The following CENPI variants were observed in gnomAD, a reference collection of about 807,000 sequenced individuals.
CENPI encodes the protein FSH primary response 1.
A neutral mutation model predicts 60.4 loss-of-function variants in CENPI; 4 were observed. The ratio of observed to expected loss-of-function variants is 0.07; its 90% CI spans 0.03 to 0.15. The LOEUF is 0.15. CENPI is among the 10% of genes least tolerant of loss of function. The probability of loss-of-function intolerance (pLI) is 1.00; values close to 1 mark genes in which losing one functional copy is unlikely to be tolerated. For synonymous variants in CENPI, 157 were observed against 189.4 expected, an observed-to-expected ratio of 0.83 and a Z score of 1.40; for missense variants, 444 against 534.5, an observed-to-expected ratio of 0.83 and a Z score of 1.67.
chrX:101,141,793 C>T (rs1039855777), intron 16 of CENPI, among the ~76,000 whole-genome samples: 8 of 111,033 alleles, frequency 7.2e-5, no homozygotes, highest in Admixed American at 3.9e-4. Flanking sequence ...AGTACAGTGA[C>T]GCAGTCTTTG....
chrX:101,155,961 T>C (rs1244497421), intron 20 of CENPI, among the ~76,000 whole-genome samples: 1 of 112,081 alleles, frequency 8.9e-6, no homozygotes, highest in Non-Finnish European at 1.9e-5. Flanking sequence ...TAATAATTAT[T>C]ATGATGATGC....
At chrX:101,148,722 A>G (rs1031247778) in intron 20 of CENPI, among the ~76,000 whole-genome samples, 6 of 111,743 alleles carry the variant, frequency 5.4e-5, no homozygotes, top group Non-Finnish European at 7.5e-5. Flanking sequence ...ATGGAGAAGA[A>G]CTCAAATGGT....
chrX:101,114,517 C>A (rs1220821174), intron 6 of CENPI, among the ~76,000 whole-genome samples: 1 of 112,139 alleles, frequency 8.9e-6, no homozygotes, highest in Non-Finnish European at 1.9e-5. Flanking sequence ...AATTTTCTGT[C>A]TTTATAGGTT....
At position 101,164,528 on chromosome X, in the gene CENPI, C is replaced by T. The variant is rs2090135934; in HGVS notation, c.*1561C>T. The stretch of plus-strand genomic sequence containing the variant: ...TGTATTTTTAGTAGAGACAGGGTTC[C>T]GTCATGTTGACCAGGCTGGACTTGA... On this transcript the variant is annotated 3_prime_UTR_variant, in exon 22 of 22. Transcript: ENST00000682095. 3.6e-5 allele frequency among the ~76,000 whole-genome samples: 4 copies of T among 111,071 alleles called. No individual in the cohort carries two copies. The highest frequency in any genetic ancestry group is 2.8e-4 in the East Asian group (1 of 3,512).
rs58858609 is a variant in CENPI at position 101,144,087 on chromosome X, C to CTTTTT, written c.1566-963_1566-959dup. Among the ~76,000 whole-genome samples the CTTTTT allele has an allele frequency of 1.4e-4, 11 of 79,623 alleles. 1 individual carries two copies. Among genetic ancestry groups the CTTTTT allele is most frequent in the East Asian group, 3.6e-4 (1 of 2,798 alleles). 69.1% of individuals were successfully genotyped at this position (79,623 alleles called of 115,157 possible). A position where few individuals can be genotyped will look rare whatever the true frequency, so the allele number is the denominator to read the frequency against. ...ATTTTATCCTGAATATTTTCTTTTT[C>CTTTTT]TTTTTTTTTTTTTTTTTTGAGACAG... On this transcript the variant is annotated intron_variant, in intron 16 of 21. Coordinates refer to ENST00000682095, the MANE Select transcript of CENPI (RefSeq NM_001386188.2).
intron 20 of CENPI, among the ~76,000 whole-genome samples, chrX:101,158,423 A>G (rs1279704816): frequency 9.3e-6 from 1 of 107,196 alleles, no homozygotes; most frequent in African/African-American, 3.4e-5. Context: ...GATTACAGGC[A>G]CGTACCACCA....
chrX:101,099,283 C>G (rs1012668038), intron 2 of CENPI, among the ~76,000 whole-genome samples: 13 of 109,717 alleles, frequency 1.2e-4, no homozygotes, highest in African/African-American at 4.3e-4. Context: ...CAACAAATAG[C>G]CGGGTATGGT....
chrX:101,147,133 G>A (rs772463023), intron 18 of CENPI, among the ~76,000 whole-genome samples: 8 of 111,788 alleles, frequency 7.2e-5, no homozygotes, highest in Middle Eastern at 4.6e-3. Flanking sequence ...AGAATTTCCT[G>A]TTTATCCTTT....
At chrX:101,098,802 G>A (rs1395999334) in intron 2 of CENPI, 1 of 110,997 alleles carries the variant, frequency 9.0e-6, no homozygotes, top group Non-Finnish European at 1.9e-5. Context: ...TAACATTCTC[G>A]TCTCTGCACT....
the CENPI span, among the ~76,000 whole-genome samples, chrX:101,172,335 A>T: frequency 8.9e-6 from 1 of 112,087 alleles, no homozygotes; most frequent in African/African-American, 3.2e-5. Flanking sequence ...ATGTCTTCAC[A>T]AAAGTTTGAA....
chrX:101,120,310 A>T lies in CENPI; in HGVS notation c.592-92A>T, dbSNP rs2089663921. On this transcript the variant is annotated intron_variant, in intron 6 of 21. Transcript: ENST00000682095. ...TGAAGTCCTGAAGGTTTTTTACTTA[A>T]TCAGCGTAAGATTGACATTTGAGGA... 9.5e-6 allele frequency: 4 copies of T among 423,212 alleles called. No homozygotes were observed. In the South Asian group the frequency reaches 1.8e-4, roughly 19 times the overall value. 34.9% of individuals were successfully genotyped at this position (423,212 alleles called of 1,213,427 possible).
chrX:101,115,937 T>C (rs773281952), intron 6 of CENPI, among the ~76,000 whole-genome samples: 1 of 111,494 alleles, frequency 9.0e-6, no homozygotes, highest in East Asian at 2.8e-4. Context: ...CTTCTTTCAC[T>C]TAACATAATG....
At chrX:101,141,794 G>A (rs893275790) in intron 16 of CENPI, among the ~76,000 whole-genome samples, 11 of 110,648 alleles carry the variant, frequency 9.9e-5, no homozygotes, top group African/African-American at 3.0e-4. Flanking sequence ...GTACAGTGAC[G>A]CAGTCTTTGC....
chrX:101,175,152 A>G, the CENPI span, among the ~76,000 whole-genome samples: 1 of 112,443 alleles, frequency 8.9e-6, no homozygotes, highest in African/African-American at 3.2e-5. Context: ...TTTTAAATGT[A>G]TTAATCTATT....
intron 15 of CENPI, among the ~76,000 whole-genome samples, chrX:101,138,850 T>C (rs1399270613): frequency 9.2e-6 from 1 of 108,219 alleles, no homozygotes; most frequent in African/African-American, 3.4e-5. Flanking sequence ...GGTCTCGAAC[T>C]CCTGGACTCA....
intron 21 of CENPI, among the ~76,000 whole-genome samples, chrX:101,162,337 C>A (rs1312937370): frequency 4.7e-5 from 5 of 106,049 alleles, no homozygotes; most frequent in African/African-American, 1.4e-4. Context: ...GCCTGTGGTC[C>A]CAGCTACTTG....
intron 18 of CENPI, among the ~76,000 whole-genome samples, chrX:101,147,554 A>C (rs1485261780): frequency 8.9e-6 from 1 of 111,989 alleles, no homozygotes; most frequent in East Asian, 2.8e-4. Flanking sequence ...ACACATCTTA[A>C]GTGTACAACT....
Position 101,098,536 on chromosome X carries a change from T to C in CENPI, c.-17T>C, listed in dbSNP as rs1272033368. On this transcript the variant is annotated 5_prime_UTR_variant, in exon 2 of 22. Coordinates refer to ENST00000682095, the MANE Select transcript of CENPI (RefSeq NM_001386188.2). Reference sequence around the variant, plus strand: ...CCTCATCTGTTCCAGGGAGGTGGGATTGAGTAAGTGTCATTCCGACTATTC... The same window carrying C: ...CCTCATCTGTTCCAGGGAGGTGGGACTGAGTAAGTGTCATTCCGACTATTC... 2 of 111,644 alleles carry C rather than the reference T, an allele frequency of 1.8e-5. No individual in the cohort carries two copies. The highest frequency in any genetic ancestry group is 3.3e-5 in the African/African-American group (1 of 30,716). 9.2% of individuals were successfully genotyped at this position (111,644 alleles called of 1,213,427 possible).
rs778733760 is a variant in CENPI at position 101,127,560 on chromosome X, A to T, written c.969A>T (p.Gly323=). 14 of 1,196,058 alleles carry T rather than the reference A, an allele frequency of 1.2e-5. No individual in the cohort carries two copies. Among genetic ancestry groups the T allele is most frequent in the Non-Finnish European group, 1.4e-5 (12 of 882,886 alleles). Residue 323 remains glycine, a synonymous_variant, in exon 11 of 22, where the codon GGA becomes GGT. Coordinates refer to ENST00000682095, the MANE Select transcript of CENPI (RefSeq NM_001386188.2). Reference sequence around the variant, plus strand: ...CCAGTAGCTACACTAAAGAATGTGGAAAAAAAGAGATGAGTCTTTCTGATT... The same window carrying T: ...CCAGTAGCTACACTAAAGAATGTGGTAAAAAAGAGATGAGTCTTTCTGATT... ...LNSSSYTKEC[G]KKEMSLSDCL... is the part of the protein sequence containing the mutation.
Sources: gnomAD v4.1 joint callset for allele counts (sites outside exome capture counted in the v4.1 genomes callset) on GRCh38, gnomAD v4.1.1 for gene constraint, MANE v1.5 for transcripts, NCBI Gene and HGNC (gene_info 2026-07-23, HGNC 2026-07-21) for gene names.